Variants in NMT1 observed in about 807,000 individuals in gnomAD.
NMT1 encodes N-myristoyltransferase 1, also known as glycylpeptide N-tetradecanoyltransferase 1.
A neutral mutation model predicts 63.4 loss-of-function variants in NMT1; 12 were observed. That is an observed-to-expected ratio of 0.19 (90% CI 0.12 to 0.31). NMT1 has a LOEUF of 0.31. Among genes scored for constraint, NMT1 ranks in the 10% least tolerant of loss-of-function variants. The pLI is 1.00. For missense variants in NMT1, 432 were observed against 634.6 expected (o/e 0.68, Z 3.43); for synonymous variants, 228 against 234.3 (o/e 0.97, Z 0.25).
intron 2 of NMT1, among the ~76,000 whole-genome samples, chr17:45,084,039 T>TA (rs2054034054): frequency 6.6e-6 from 1 of 152,116 alleles, no homozygotes; most frequent in Admixed American, 6.6e-5. Context: ...GAAAACTAAA[T>TA]AAAAATATTA....
chr17:45,105,547 G>C lies in NMT1; in HGVS notation c.1471-72G>C, dbSNP rs1389657722. 2 of 1,567,178 alleles carry C rather than the reference G, an allele frequency of 1.3e-6. No homozygotes were observed. The highest frequency in any genetic ancestry group is 1.4e-5 in the African/African-American group (1 of 73,842). ...CCGGGCCCAGCCACTCGGAACTTCA[G>C]GGATAGGGGGTGTGGGAGAGTCTTT... On this transcript the variant is annotated intron_variant, in intron 11 of 11. Coordinates refer to ENST00000258960, the MANE Select transcript of NMT1 (RefSeq NM_021079.5). The surrounding 1 kb of genome is among the most constrained non-coding windows in gnomAD (Gnocchi z 4.2).
In NMT1 at chr17:45,104,290, G is replaced by T. The variant is rs2054189090; in HGVS notation, c.1332+414G>T. On this transcript the variant is annotated intron_variant, in intron 10 of 11. Coordinates refer to ENST00000258960, the MANE Select transcript of NMT1 (RefSeq NM_021079.5). This position sits in a 1 kb window ranked among gnomAD's most constrained non-coding sequence, Gnocchi z 4.2. ...AGCCCGTCTGTCAGTGCTTTGCTGT[G>T]GGTTCTGGTAACCTGTGCCCAGCCC... 2.5e-6 allele frequency: 3 copies of T among 1,184,804 alleles called. No individual in the cohort carries two copies. Among genetic ancestry groups the T allele is most frequent in the Non-Finnish European group, 3.2e-6 (3 of 943,868 alleles). 73.4% of individuals were successfully genotyped at this position (1,184,804 alleles called of 1,614,324 possible). A position where few individuals can be genotyped will look rare whatever the true frequency, so the allele number is the denominator to read the frequency against.
At position 45,104,110 on chromosome 17, in the gene NMT1, C is replaced by T. The variant is rs1240220963; in HGVS notation, c.1332+234C>T. The stretch of plus-strand genomic sequence containing the variant: ...CCTCCTGATTCATTTCAGTGAGTTT[C>T]GTTCTCACAGGAGGCGCCACCAAGG... On this transcript the variant is annotated intron_variant, in intron 10 of 11. Coordinates refer to ENST00000258960, the MANE Select transcript of NMT1 (RefSeq NM_021079.5). This position sits in a 1 kb window ranked among gnomAD's most constrained non-coding sequence, Gnocchi z 4.2. 33 of 1,426,122 alleles carry T rather than the reference C, an allele frequency of 2.3e-5. No homozygotes were observed. Among genetic ancestry groups the T allele is most frequent in the Non-Finnish European group, 2.6e-5 (28 of 1,086,292 alleles). 88.3% of individuals were successfully genotyped at this position (1,426,122 alleles called of 1,614,324 possible).
intron 1 of NMT1, among the ~76,000 whole-genome samples, chr17:45,064,191 T>A (rs1416037882): frequency 6.6e-6 from 1 of 152,072 alleles, no homozygotes; most frequent in Non-Finnish European, 1.5e-5. Flanking sequence ...CTCAAAAAAA[T>A]AAATAAATAA....
At position 45,105,681 on chromosome 17, in the gene NMT1, G is replaced by A. The variant is rs371753337; in HGVS notation, c.*42G>A. On this transcript the variant is annotated 3_prime_UTR_variant, in exon 12 of 12. Coordinates refer to ENST00000258960, the MANE Select transcript of NMT1 (RefSeq NM_021079.5). This position sits in a 1 kb window ranked among gnomAD's most constrained non-coding sequence, Gnocchi z 4.2. Reference sequence around the variant, plus strand: ...TTCTGGATAAAGCCACTGAAAATTCGAACCAGGAAATGGAACCCCACCACT... The same window carrying A: ...TTCTGGATAAAGCCACTGAAAATTCAAACCAGGAAATGGAACCCCACCACT... 5.7e-5 allele frequency: 91 copies of A among 1,601,714 alleles called. No individual in the cohort carries two copies. Among genetic ancestry groups the A allele is most frequent in the African/African-American group, 5.4e-4 (40 of 74,662 alleles).
Position 45,105,105 on chromosome 17 carries a change from C to T in NMT1, c.1470+109C>T. The stretch of plus-strand genomic sequence containing the variant: ...ACAGCCGCAGTCTGGGTCCTTGTTA[C>T]CTCGAGTTGAACCTTTGAAAATGCC... On this transcript the variant is annotated intron_variant, in intron 11 of 11. Coordinates refer to ENST00000258960, the MANE Select transcript of NMT1 (RefSeq NM_021079.5). This position sits in a 1 kb window ranked among gnomAD's most constrained non-coding sequence, Gnocchi z 4.2. 3 of 1,428,322 alleles carry T rather than the reference C, an allele frequency of 2.1e-6. No individual in the cohort carries two copies. Among genetic ancestry groups the T allele is most frequent in the Admixed American group, 1.9e-5 (1 of 52,094 alleles). The allele number at this position is 1,428,322 out of a possible 1,614,324, so 88.5% of individuals were successfully genotyped here.
At chr17:45,072,063 G>A (rs2053943161) in intron 1 of NMT1, among the ~76,000 whole-genome samples, 1 of 152,066 alleles carries the variant, frequency 6.6e-6, no homozygotes, top group Non-Finnish European at 1.5e-5. Context: ...ACCAGCCTGG[G>A]CAACATAGAG....
chr17:45,061,738 G>T, intron 1 of NMT1: 1 of 343,046 alleles, frequency 2.9e-6, no homozygotes, highest in South Asian at 3.7e-5. Context: ...AAAAGAGCAT[G>T]TTGGACGATG....
At chr17:45,088,793 G>A (rs1231747575) in intron 3 of NMT1, among the ~76,000 whole-genome samples, 1 of 151,652 alleles carries the variant, frequency 6.6e-6, no homozygotes, top group African/African-American at 2.4e-5. Flanking sequence ...GGCAGCTTGG[G>A]ATTAATTTGC....
intron 8 of NMT1, among the ~76,000 whole-genome samples, chr17:45,100,137 G>A (rs2054152061): frequency 6.6e-6 from 1 of 152,016 alleles, no homozygotes; most frequent in East Asian, 1.9e-4. Context: ...TGCCCAGGCT[G>A]GAGTGCAGTG....
At chr17:45,093,593 A>G in intron 3 of NMT1, 92 bp from the exon 4 acceptor site, 1 of 942,166 alleles carries the variant, frequency 1.1e-6, no homozygotes, top group South Asian at 1.5e-5. Context: ...TCCTAGGGAC[A>G]GGAGGAATTT....
At position 45,099,521 on chromosome 17, in the gene NMT1, C is replaced by G. The variant is rs1290045669; in HGVS notation, c.993+8C>G. The stretch of plus-strand genomic sequence containing the variant: ...CTCTACCGACTGCCAGAGGCCAGTG[C>G]TGCCCCGGGTGGTGGGCAGGGGGCA... On this transcript the variant is annotated splice_region_variant and intron_variant, in intron 8 of 11. Transcript: ENST00000258960. 2 of 1,600,228 alleles carry G rather than the reference C, an allele frequency of 1.2e-6. No homozygotes were observed. Among genetic ancestry groups the G allele is most frequent in the Admixed American group, 3.3e-5 (2 of 60,012 alleles).
intron 8 of NMT1, 67 bp from the exon 9 acceptor site, chr17:45,102,884 G>A (rs895236717): frequency 1.4e-6 from 2 of 1,460,756 alleles, no homozygotes; most frequent in African/African-American, 2.8e-5. Context: ...GGCCTGATCT[G>A]TCCTTGCCAT....
chr17:45,079,671 T>A (rs930765868), intron 1 of NMT1, among the ~76,000 whole-genome samples: 1 of 152,152 alleles, frequency 6.6e-6, no homozygotes, highest in African/African-American at 2.4e-5. Context: ...CACACGTGCA[T>A]ACACACAGAC....
chr17:45,065,678 G>T (rs2053898243), intron 1 of NMT1, among the ~76,000 whole-genome samples: 1 of 149,982 alleles, frequency 6.7e-6, no homozygotes. Context: ...GCTCCAATTT[G>T]CTGTGGAGCT....
intron 1 of NMT1, among the ~76,000 whole-genome samples, chr17:45,069,108 C>G (rs12951622): frequency 0.045 from 6,865 of 151,418 alleles, 196 homozygotes; most frequent in Non-Finnish European, 0.068. Flanking sequence ...TTACAGGTGC[C>G]TGCCACTGTG....
intron 2 of NMT1, among the ~76,000 whole-genome samples, chr17:45,085,666 A>G (rs548119786): frequency 6.6e-6 from 1 of 152,172 alleles, no homozygotes; most frequent in South Asian, 2.1e-4. Context: ...TACTTTTGCC[A>G]TCAAACAACA....
chr17:45,100,740 G>A (rs1468297581), intron 8 of NMT1, among the ~76,000 whole-genome samples: 3 of 149,284 alleles, frequency 2.0e-5, no homozygotes, highest in Admixed American at 6.7e-5. Flanking sequence ...GCGGGCACCT[G>A]TAGTCCCAGC....
chr17:45,082,311 C>G (rs1396854771), intron 2 of NMT1, among the ~76,000 whole-genome samples: 2 of 151,134 alleles, frequency 1.3e-5, no homozygotes, highest in Non-Finnish European at 2.9e-5. Flanking sequence ...GATGGAGTCT[C>G]ACTATGTTAC....
Sources: gnomAD v4.1 joint callset for allele counts (sites outside exome capture counted in the v4.1 genomes callset) on GRCh38, gnomAD v4.1.1 for gene constraint, Gnocchi (gnomAD v3.1) non-coding constraint, MANE v1.5 for transcripts, NCBI Gene and HGNC (gene_info 2026-07-23, HGNC 2026-07-21) for gene names.